The following CLCN3 variants were observed in gnomAD, a reference collection of about 807,000 sequenced individuals.
CLCN3 encodes H(+)/Cl(-) exchange transporter 3.
A neutral mutation model predicts 83.4 loss-of-function variants in CLCN3; 16 were observed. The observed-to-expected ratio is 0.19, with a 90% CI of 0.13 to 0.29. The LOEUF (loss-of-function observed/expected upper bound fraction) is 0.29, where lower values mean the gene tolerates loss of function less well. Among genes scored for constraint, CLCN3 ranks in the 10% least tolerant of loss-of-function variants. The pLI is 1.00. For synonymous variants in CLCN3, 322 were observed against 346.2 expected, an observed-to-expected ratio of 0.93 and a Z score of 0.78; for missense variants, 544 against 1,006.0, an observed-to-expected ratio of 0.54 and a Z score of 6.21.
chr4:169,647,127 T>G (rs1730596160), intron 2 of CLCN3, among the ~76,000 whole-genome samples: 1 of 152,178 alleles, frequency 6.6e-6, no homozygotes, highest in Non-Finnish European at 1.5e-5. Flanking sequence ...GGCTCATGCC[T>G]GTAATGCCAA....
intron 1 of CLCN3, among the ~76,000 whole-genome samples, chr4:169,623,156 A>C (rs1259711781): frequency 6.6e-6 from 1 of 152,230 alleles, no homozygotes; most frequent in East Asian, 1.9e-4. Flanking sequence ...CTTGTGAGAA[A>C]TAATCGAACA....
intron 2 of CLCN3, among the ~76,000 whole-genome samples, chr4:169,650,700 A>G (rs1420492002): frequency 6.6e-6 from 1 of 152,228 alleles, no homozygotes; most frequent in Admixed American, 6.5e-5. Flanking sequence ...TAAACAAATA[A>G]TTCTAAAGTT....
intron 1 of CLCN3, among the ~76,000 whole-genome samples, chr4:169,626,994 C>CTTCA (rs1375747710): frequency 1.3e-5 from 2 of 152,116 alleles, no homozygotes; most frequent in Non-Finnish European, 1.5e-5. Context: ...ATCTGTAGTC[C>CTTCA]TTCAGTCTCT....
At chr4:169,680,285 T>C in intron 3 of CLCN3, 78 bp downstream of exon 3, 1 of 984,498 alleles carries the variant, frequency 1.0e-6, no homozygotes, top group Non-Finnish European at 1.5e-6. Flanking sequence ...GCCAATGATC[T>C]CAGGCTGCCA....
In CLCN3 at chr4:169,689,265, T is replaced by C. The variant is rs754417159; in HGVS notation, c.606+35T>C. On this transcript the variant is annotated intron_variant, in intron 5 of 12. Transcript: ENST00000513761. ...GCTTTGTCTCAAGATGAATTAATAATTGATATAGCAAAATGTTTCCAATTC... is the reference window on the plus strand; with the variant it reads ...GCTTTGTCTCAAGATGAATTAATAACTGATATAGCAAAATGTTTCCAATTC... 3 of 1,547,600 alleles carry C rather than the reference T, an allele frequency of 1.9e-6. No individual in the cohort carries two copies. In the South Asian group the frequency reaches 3.5e-5, roughly 18 times the overall value.
chr4:169,643,628 G>A (rs1730486659), intron 2 of CLCN3, among the ~76,000 whole-genome samples: 1 of 151,946 alleles, frequency 6.6e-6, no homozygotes, highest in South Asian at 2.1e-4. Context: ...GACCTCCATG[G>A]ACTCGAGTGA....
At chr4:169,663,626 C>T in intron 2 of CLCN3, 1 of 430,276 alleles carries the variant, frequency 2.3e-6, no homozygotes, top group Non-Finnish European at 4.6e-6. Context: ...AGGTGCGAGC[C>T]ACTGTGCCTG....
At chr4:169,719,821 T>C in intron 12 of CLCN3, 86 bp from the exon 13 acceptor site, 3 of 1,085,798 alleles carry the variant, frequency 2.8e-6, no homozygotes, top group Non-Finnish European at 4.0e-6. Flanking sequence ...TCTATTCCTG[T>C]CAACAAAAAG....
intron 2 of CLCN3, among the ~76,000 whole-genome samples, chr4:169,651,135 T>A (rs1730720201): frequency 6.6e-6 from 1 of 152,112 alleles, no homozygotes; most frequent in South Asian, 2.1e-4. Context: ...GGTTTATACC[T>A]CACTTACCAC....
rs1730408266 is a variant in CLCN3, at chr4:169,641,374, C to T, written c.160+5286C>T. Among the ~76,000 whole-genome samples the T allele has an allele frequency of 3.3e-5, 5 of 152,146 alleles. No individual in the cohort carries two copies. In the South Asian group the frequency reaches 1.0e-3, roughly 32 times the overall value. Reference sequence around the variant, plus strand: ...CTGGGAATGGAATCCAGAGAAATTACATAGATTATTATATTCTACTTCCCA... The same window carrying T: ...CTGGGAATGGAATCCAGAGAAATTATATAGATTATTATATTCTACTTCCCA... On this transcript the variant is annotated intron_variant, in intron 2 of 12. Coordinates refer to ENST00000513761, the MANE Select transcript of CLCN3 (RefSeq NM_001829.4).
At chr4:169,641,691 G>T (rs190577863) in intron 2 of CLCN3, among the ~76,000 whole-genome samples, 207 of 152,316 alleles carry the variant, frequency 1.4e-3, no homozygotes, top group African/African-American at 4.7e-3. Context: ...TAGATGCAGA[G>T]TGATAATGCC....
At chr4:169,675,437 A>G (rs1731638064) in intron 2 of CLCN3, among the ~76,000 whole-genome samples, 1 of 152,220 alleles carries the variant, frequency 6.6e-6, no homozygotes, top group Non-Finnish European at 1.5e-5. Context: ...TGGCAAGAGT[A>G]GTCTGGGAAT....
chr4:169,702,563 A>T (rs1470670800), intron 9 of CLCN3, among the ~76,000 whole-genome samples: 1 of 152,076 alleles, frequency 6.6e-6, no homozygotes, highest in African/African-American at 2.4e-5. Context: ...GCACAGAGAG[A>T]GTAGATTGGC....
intron 2 of CLCN3, among the ~76,000 whole-genome samples, chr4:169,638,407 C>G (rs1310428421): frequency 6.6e-6 from 1 of 152,144 alleles, no homozygotes; most frequent in Non-Finnish European, 1.5e-5. Flanking sequence ...ATTGACACTT[C>G]AAGTTCTGGC....
chr4:169,636,141 A>G, intron 2 of CLCN3, 53 bp downstream of exon 2: 1 of 1,459,570 alleles, frequency 6.9e-7, no homozygotes, highest in Non-Finnish European at 9.3e-7. Context: ...CCACTAATAA[A>G]TATGTACACT....
In CLCN3 at chr4:169,635,913, A is replaced by G. The variant is rs1297959792; in HGVS notation, c.-16A>G. ...TAAAACTACTTTTTCCCCCCCACAG[A>G]TAATCAGACAGCTAAATGGAGTCTG... On this transcript the variant is annotated splice_region_variant and 5_prime_UTR_variant, in exon 2 of 13. Transcript: ENST00000513761. 2.0e-6 allele frequency: 3 copies of G among 1,532,848 alleles called. No homozygotes were observed. The highest frequency in any genetic ancestry group is 2.8e-5 in the African/African-American group (2 of 71,688). The allele number at this position is 1,532,848 out of a possible 1,614,324, so 95.0% of individuals were successfully genotyped here. A position where few individuals can be genotyped will look rare whatever the true frequency, so the allele number is the denominator to read the frequency against.
At chr4:169,632,412 C>A (rs1002293996) in intron 1 of CLCN3, among the ~76,000 whole-genome samples, 3 of 152,126 alleles carry the variant, frequency 2.0e-5, no homozygotes, top group African/African-American at 7.2e-5. Context: ...GAGACACCAT[C>A]TCACGCCAGT....
rs1386616364 is a variant in CLCN3 at position 169,635,934 on chromosome 4, G to T, written c.6G>T (p.Glu2Asp). The T allele has an allele frequency of 6.3e-7, 1 of 1,587,262 alleles. No homozygotes were observed. Among genetic ancestry groups the T allele is most frequent in the Non-Finnish European group, 8.6e-7 (1 of 1,166,758 alleles). The change falls in exon 2 of 13, where the codon GAG becomes GAT. Residue 2 changes from glutamate (E) to aspartate (D), a missense_variant. Transcript: ENST00000513761. M[E>D]SEQLFHRGYY... is the part of the protein sequence containing the mutation. ...ACAGATAATCAGACAGCTAAATGGA[G>T]TCTGAGCAGCTGTTCCATAGAGGCT...
intron 9 of CLCN3, 28 bp from the exon 10 acceptor site, chr4:169,703,970 T>A: frequency 6.2e-7 from 1 of 1,608,262 alleles, no homozygotes; most frequent in Non-Finnish European, 8.5e-7. Context: ...GGATCTCTGC[T>A]CCATAAAGAG....
Sources: gnomAD v4.1 joint callset for allele counts (sites outside exome capture counted in the v4.1 genomes callset) on GRCh38, gnomAD v4.1.1 for gene constraint, MANE v1.5 for transcripts, NCBI Gene and HGNC (gene_info 2026-07-23, HGNC 2026-07-21) for gene names.